The following GRIK4 variants were observed in gnomAD, a reference collection of about 807,000 sequenced individuals.
GRIK4 encodes the protein glutamate ionotropic receptor kainate type subunit 4.
A neutral mutation model predicts 104.9 loss-of-function variants in GRIK4; 40 were observed. The ratio of observed to expected loss-of-function variants is 0.38; its 90% CI spans 0.30 to 0.50. The LOEUF (loss-of-function observed/expected upper bound fraction) is 0.50, where lower values mean the gene tolerates loss of function less well. GRIK4 is among the 20% of genes least tolerant of loss of function. The pLI, the probability that GRIK4 is intolerant of heterozygous loss-of-function variation, is 0.93. For missense variants in GRIK4, 1,047 were observed against 1,308.1 expected (o/e 0.80, Z 3.08); for synonymous variants, 485 against 524.9 (o/e 0.92, Z 1.04).
At chr11:120,797,299 A>G (rs1239300542) in intron 3 of GRIK4, among the ~76,000 whole-genome samples, 2 of 152,124 alleles carry the variant, frequency 1.3e-5, no homozygotes, top group Non-Finnish European at 2.9e-5. Context: ...GTGCCGTATC[A>G]TATTATTCCT....
rs774984131 is a variant in GRIK4 at position 120,940,613 on chromosome 11, C to T, written c.1590+153C>T. Among the ~76,000 whole-genome samples the T allele has an allele frequency of 1.3e-5, 2 of 152,180 alleles. No individual in the cohort carries two copies. The highest frequency in any genetic ancestry group is 4.8e-5 in the African/African-American group (2 of 41,442). On this transcript the variant is annotated intron_variant, in intron 14 of 20. Transcript: ENST00000527524. The surrounding 1 kb of genome is among the most constrained non-coding windows in gnomAD (Gnocchi z 4.3). ...GCTATTTTTTCTCCTATCATCTGCA[C>T]GAACTTGCAAACTGAAGGGATGGAA...
chr11:120,532,468 A>G (rs1302163549), intron 1 of GRIK4, among the ~76,000 whole-genome samples: 1 of 152,196 alleles, frequency 6.6e-6, no homozygotes, highest in Admixed American at 6.5e-5. Flanking sequence ...TTTTGTGTAA[A>G]TTAATAATAT....
At chr11:120,595,321 C>T (rs1372875401) in intron 1 of GRIK4, among the ~76,000 whole-genome samples, 1 of 152,222 alleles carries the variant, frequency 6.6e-6, no homozygotes, top group African/African-American at 2.4e-5. Flanking sequence ...GGTTTCTCTG[C>T]TGTATTATTT....
At chr11:120,715,381 G>A (rs1372335224) in intron 3 of GRIK4, among the ~76,000 whole-genome samples, 1 of 152,102 alleles carries the variant, frequency 6.6e-6, no homozygotes. Context: ...GAAAGCGGTG[G>A]GTCGTGTCTC....
intron 1 of GRIK4, among the ~76,000 whole-genome samples, chr11:120,642,558 T>C (rs1446980895): frequency 6.6e-6 from 1 of 151,818 alleles, no homozygotes; most frequent in Admixed American, 6.6e-5. Flanking sequence ...TGTGAGGTCC[T>C]GGGACCCATC....
At chr11:120,760,300 T>C (rs1285680648) in intron 3 of GRIK4, among the ~76,000 whole-genome samples, 1 of 150,526 alleles carries the variant, frequency 6.6e-6, no homozygotes. Flanking sequence ...TCCGTCCATG[T>C]TGTAACAAAT....
At chr11:120,658,923 T>G (rs2135236762) in intron 2 of GRIK4, among the ~76,000 whole-genome samples, 1 of 152,032 alleles carries the variant, frequency 6.6e-6, no homozygotes, top group Middle Eastern at 3.4e-3. Flanking sequence ...TAATTTTTTG[T>G]ATTTTTAGTA....
At chr11:120,985,511 G>A (rs1944726708) in intron 20 of GRIK4, among the ~76,000 whole-genome samples, 1 of 151,912 alleles carries the variant, frequency 6.6e-6, no homozygotes, top group Non-Finnish European at 1.5e-5. Context: ...ATGTGGTGGA[G>A]GAATTATTTA....
chr11:120,824,553 CTTTTTTTT>C (rs763907708), intron 6 of GRIK4, among the ~76,000 whole-genome samples: 2 of 128,894 alleles, frequency 1.6e-5, no homozygotes, highest in Non-Finnish European at 3.3e-5. Flanking sequence ...TTTTTCTTTT[CTTTTTTTT>C]TTTTTTTTGA....
chr11:120,541,823 A>T (rs1948039701), intron 1 of GRIK4, among the ~76,000 whole-genome samples: 1 of 152,224 alleles, frequency 6.6e-6, no homozygotes, highest in Non-Finnish European at 1.5e-5. Context: ...ACGGAAAGGT[A>T]TCCTATATTT....
Position 120,511,829 on chromosome 11 carries a change from G to A in GRIK4, c.-217G>A, listed in dbSNP as rs1214479946. On this transcript the variant is annotated 5_prime_UTR_variant, in exon 1 of 21. Coordinates refer to ENST00000527524, the MANE Select transcript of GRIK4 (RefSeq NM_014619.5). ...AGGAAAAACGGCCAACAGCAGCCCC[G>A]CGGCCGGCCCGGCAGCGCCCGGCCC... 2 of 357,906 alleles carry A rather than the reference G, an allele frequency of 5.6e-6. No homozygotes were observed. Among genetic ancestry groups the A allele is most frequent in the East Asian group, 1.5e-4 (1 of 6,546 alleles). The allele number at this position is 357,906 out of a possible 1,614,324, so 22.2% of individuals were successfully genotyped here. A position where few individuals can be genotyped will look rare whatever the true frequency, so the allele number is the denominator to read the frequency against.
intron 3 of GRIK4, among the ~76,000 whole-genome samples, chr11:120,726,955 A>T (rs73012316): frequency 1.3e-5 from 2 of 152,176 alleles, no homozygotes; most frequent in Non-Finnish European, 2.9e-5. Context: ...TTCCAAATAC[A>T]ATAGGGTGGG....
chr11:120,687,065 T>C (rs1386304749), intron 3 of GRIK4, among the ~76,000 whole-genome samples: 2 of 152,250 alleles, frequency 1.3e-5, no homozygotes, highest in East Asian at 3.8e-4. Context: ...TAGACTATTA[T>C]GATAATGATA....
intron 3 of GRIK4, among the ~76,000 whole-genome samples, chr11:120,782,204 G>A (rs922016879): frequency 3.3e-5 from 5 of 152,074 alleles, no homozygotes; most frequent in African/African-American, 9.6e-5. Flanking sequence ...TAAGGTCCTC[G>A]AGTCTGGTTC....
At position 120,967,433 on chromosome 11, in the gene GRIK4, G is replaced by A; in HGVS notation, c.2395+110G>A. The A allele has an allele frequency of 8.5e-7, 1 of 1,177,744 alleles. No homozygotes were observed. Among genetic ancestry groups the A allele is most frequent in the African/African-American group, 1.5e-5 (1 of 64,846 alleles). The allele number at this position is 1,177,744 out of a possible 1,614,324, so 73.0% of individuals were successfully genotyped here. On this transcript the variant is annotated intron_variant, in intron 19 of 20. Transcript: ENST00000527524. The surrounding 1 kb of genome is among the most constrained non-coding windows in gnomAD (Gnocchi z 4.2). ...TGACTTGTAGGACCCATTGAGAACGGCCTTGGAAGGAACCTAGGTATAAAG... is the reference window on the plus strand; with the variant it reads ...TGACTTGTAGGACCCATTGAGAACGACCTTGGAAGGAACCTAGGTATAAAG...
In GRIK4 at chr11:120,536,855, G is replaced by C. The variant is rs115879778; in HGVS notation, c.-159+24968G>C. ...AAAAAGTCAATTACGTAAACAGAGC[G>C]GGGGAGGCCTGATTGGCAGAGGACT... On this transcript the variant is annotated intron_variant, in intron 1 of 20. Coordinates refer to ENST00000527524, the MANE Select transcript of GRIK4 (RefSeq NM_014619.5). 1.2e-4 allele frequency among the ~76,000 whole-genome samples: 19 copies of C among 152,304 alleles called. No individual in the cohort carries two copies. In the South Asian group the frequency reaches 1.9e-3, roughly 15 times the overall value.
rs574085645 is a variant in GRIK4, at chr11:120,908,696, G to T, written c.1476+3203G>T. Reference sequence around the variant, plus strand: ...ACAGATGACTGTTCAGCCTGCAGAGGCCCTATGAAATGATTGCCTCACTAA... The same window carrying T: ...ACAGATGACTGTTCAGCCTGCAGAGTCCCTATGAAATGATTGCCTCACTAA... On this transcript the variant is annotated intron_variant, in intron 13 of 20. Transcript: ENST00000527524. Among the ~76,000 whole-genome samples, 4 of 152,284 alleles carry T rather than the reference G, an allele frequency of 2.6e-5. No homozygotes were observed. In the East Asian group the frequency reaches 7.7e-4, roughly 29 times the overall value.
At chr11:120,592,545 A>AT (rs1477413030) in intron 1 of GRIK4, among the ~76,000 whole-genome samples, 4 of 151,960 alleles carry the variant, frequency 2.6e-5, no homozygotes, top group Non-Finnish European at 5.9e-5. Flanking sequence ...GGCTTTTGAG[A>AT]TTTTTTATCG....
chr11:120,557,102 C>A (rs946015758), intron 1 of GRIK4, among the ~76,000 whole-genome samples: 3 of 152,238 alleles, frequency 2.0e-5, no homozygotes, highest in African/African-American at 4.8e-5. Flanking sequence ...TCACAGCAGG[C>A]AGCTTGTCCT....
Sources: allele counts gnomAD v4.1 joint callset (sites outside exome capture counted in the v4.1 genomes callset), GRCh38; gene constraint gnomAD v4.1.1; non-coding constraint Gnocchi (gnomAD v3.1); transcripts MANE v1.5; gene names NCBI Gene and HGNC (gene_info 2026-07-23, HGNC 2026-07-21).